Variants in OXCT1 observed in about 807,000 individuals in gnomAD.
OXCT1 encodes 3-oxoacid CoA-transferase 1.
Under a neutral mutation model 69.6 loss-of-function variants are expected in OXCT1, and 27 were observed. The ratio of observed to expected loss-of-function variants is 0.39; its 90% CI spans 0.29 to 0.54. OXCT1 has a LOEUF of 0.54. Among genes scored for constraint, OXCT1 ranks in the 20% least tolerant of loss-of-function variants. The pLI is 0.72. For synonymous variants in OXCT1, 202 were observed against 217.8 expected, an observed-to-expected ratio of 0.93 and a Z score of 0.64; for missense variants, 437 against 650.2, an observed-to-expected ratio of 0.67 and a Z score of 3.57.
chr5:41,855,779 G>A (rs1017153923), intron 3 of OXCT1, among the ~76,000 whole-genome samples: 30 of 152,166 alleles, frequency 2.0e-4, no homozygotes, highest in African/African-American at 7.2e-4. Context: ...GACATGCTAA[G>A]GGAATTAGGC....
At chr5:41,837,249 A>T (rs1472494945) in intron 7 of OXCT1, among the ~76,000 whole-genome samples, 1 of 151,954 alleles carries the variant, frequency 6.6e-6, no homozygotes, top group Non-Finnish European at 1.5e-5. Flanking sequence ...ACAAGCTCTA[A>T]TCCAGATTCC....
chr5:41,859,769 T>C (rs974462770), intron 3 of OXCT1, among the ~76,000 whole-genome samples: 58 of 150,886 alleles, frequency 3.8e-4, no homozygotes, highest in African/African-American at 1.4e-3. Flanking sequence ...TGCCTTTATC[T>C]TGAGGTTCAA....
intron 1 of OXCT1, among the ~76,000 whole-genome samples, chr5:41,868,102 A>G (rs907318627): frequency 6.6e-6 from 1 of 152,240 alleles, no homozygotes; most frequent in Non-Finnish European, 1.5e-5. Context: ...CCTCCAGGTA[A>G]TGCTGATGCA....
chr5:41,810,783 C>T (rs532385704), intron 7 of OXCT1, among the ~76,000 whole-genome samples: 2 of 152,016 alleles, frequency 1.3e-5, no homozygotes, highest in African/African-American at 4.8e-5. Context: ...CAATAACGTC[C>T]TCATTTTTTA....
intron 13 of OXCT1, among the ~76,000 whole-genome samples, chr5:41,771,975 C>T (rs564635588): frequency 4.6e-5 from 7 of 152,246 alleles, no homozygotes; most frequent in Admixed American, 3.3e-4. Context: ...ATTACTATCA[C>T]ATAATTTTTT....
chr5:41,846,137 T>G (rs1468603828), intron 5 of OXCT1, among the ~76,000 whole-genome samples: 1 of 151,778 alleles, frequency 6.6e-6, no homozygotes, highest in Non-Finnish European at 1.5e-5. Context: ...TTTATTTATT[T>G]ATTATTATTA....
chr5:41,840,591 A>G (rs1169315946), intron 6 of OXCT1, 80 bp from the exon 7 acceptor site: 2 of 821,546 alleles, frequency 2.4e-6, no homozygotes, highest in Non-Finnish European at 4.1e-6. Context: ...GGTTTTATAG[A>G]TTAGAATTTC....
intron 14 of OXCT1, among the ~76,000 whole-genome samples, chr5:41,757,614 A>C (rs889616827): frequency 4.6e-5 from 7 of 152,082 alleles, no homozygotes; most frequent in Admixed American, 3.9e-4. Flanking sequence ...AGGTAATTTT[A>C]CCAAAATTCA....
At chr5:41,822,041 T>A (rs1464465524) in intron 7 of OXCT1, among the ~76,000 whole-genome samples, 2 of 152,238 alleles carry the variant, frequency 1.3e-5, no homozygotes, top group Non-Finnish European at 2.9e-5. Context: ...ATTTTACACT[T>A]ACATTTAGTT....
intron 16 of OXCT1, among the ~76,000 whole-genome samples, chr5:41,735,216 G>A (rs1371594305): frequency 6.6e-6 from 1 of 152,164 alleles, no homozygotes; most frequent in East Asian, 1.9e-4. Flanking sequence ...ACAGATGAGT[G>A]GGTCATGAAA....
intron 15 of OXCT1, among the ~76,000 whole-genome samples, chr5:41,741,345 C>T (rs866872181): frequency 6.6e-6 from 1 of 152,080 alleles, no homozygotes; most frequent in Non-Finnish European, 1.5e-5. Context: ...CACAGCAACA[C>T]GTAGAGAAAA....
At chr5:41,830,629 C>T (rs1008771803) in intron 7 of OXCT1, among the ~76,000 whole-genome samples, 4 of 152,090 alleles carry the variant, frequency 2.6e-5, no homozygotes, top group African/African-American at 7.2e-5. Flanking sequence ...AATGAGCCTG[C>T]GTATGGATGT....
rs768695244 is a variant in OXCT1, at chr5:41,850,132, T to C, written c.462A>G (p.Ala154=). The change falls in exon 5 of 17, where the codon GCA becomes GCG. Residue 154 remains alanine, a synonymous_variant. Transcript: ENST00000196371. ...TCCCATACCCTGTTGGGGTGTAAAA[T>C]GCAGGAACTCCAGCCCCGCCTGCAC... ...RIRAGGAGVP[A]FYTPTGYGTL... is the part of the protein sequence containing the mutation. 1.9e-6 allele frequency: 3 copies of C among 1,613,888 alleles called. No homozygotes were observed. In the South Asian group the frequency reaches 3.3e-5, roughly 18 times the overall value.
intron 1 of OXCT1, among the ~76,000 whole-genome samples, chr5:41,867,682 C>G (rs747342838): frequency 4.6e-5 from 7 of 152,202 alleles, no homozygotes; most frequent in Non-Finnish European, 7.3e-5. Flanking sequence ...TCAGAAAGAG[C>G]TTTAAGCACC....
intron 10 of OXCT1, 81 bp downstream of exon 10, chr5:41,802,988 A>C: frequency 9.7e-7 from 1 of 1,027,674 alleles, no homozygotes. Context: ...TGAAATAAAA[A>C]AATTTAATAA....
At chr5:41,778,774 CTTTTTATTCTGAGTATAAA>C (rs1745250507) in intron 13 of OXCT1, among the ~76,000 whole-genome samples, 1 of 152,196 alleles carries the variant, frequency 6.6e-6, no homozygotes, top group East Asian at 1.9e-4. Flanking sequence ...TTAAGGTTCT[CTTTTTATTCTGAGTATAAA>C]TTTAATTGTA....
rs534151467 is a variant in OXCT1, at chr5:41,805,623, T to C, written c.899A>G (p.Asp300Gly). Residue 300 changes from aspartate (D) to glycine (G), a missense_variant, in exon 9 of 17, where the codon GAC becomes GGC. Around this residue, in one of 4 missense-constraint regions of OXCT1, gnomAD observed 252 missense variants for 397.4 expected, o/e 0.63. Transcript: ENST00000196371. ...GEAKSAKPGD[D>G]VRERIIKRAA... ...CCTCTTGATGATTCGTTCCCTTACG[T>C]CATCTCCAGGTTTAGCAGATTTGGC... 9 of 1,613,116 alleles carry C rather than the reference T, an allele frequency of 5.6e-6. No individual in the cohort carries two copies. Among genetic ancestry groups the C allele is most frequent in the East Asian group, 2.2e-5 (1 of 44,824 alleles).
At chr5:41,773,788 C>T (rs1744996035) in intron 13 of OXCT1, among the ~76,000 whole-genome samples, 1 of 152,078 alleles carries the variant, frequency 6.6e-6, no homozygotes, top group Non-Finnish European at 1.5e-5. Context: ...TCATAGGAGA[C>T]CTTTTAAATT....
At chr5:41,859,887 G>GT (rs1561135617) in intron 3 of OXCT1, among the ~76,000 whole-genome samples, 3 of 88,460 alleles carry the variant, frequency 3.4e-5, no homozygotes, top group South Asian at 4.3e-4. Context: ...ATATATATAT[G>GT]TAATATATAT....
Sources: allele counts gnomAD v4.1 joint callset (sites outside exome capture counted in the v4.1 genomes callset), GRCh38; gene constraint gnomAD v4.1.1; regional missense constraint gnomAD v4.1.1; transcripts MANE v1.5; gene names NCBI Gene and HGNC (gene_info 2026-07-23, HGNC 2026-07-21).